KYAT3: variants seen among roughly 807,000 people sequenced by gnomAD.
KYAT3 encodes kynurenine aminotransferase 3, also known as kynurenine--oxoglutarate transaminase 3.
In KYAT3, 50 loss-of-function variants were observed where a neutral mutation model predicts 59.0. The ratio of observed to expected loss-of-function variants is 0.85; its 90% confidence interval spans 0.68 to 1.07. The LOEUF (loss-of-function observed/expected upper bound fraction) is 1.07. KYAT3 is among the 50% of genes least tolerant of loss of function. KYAT3 has a pLI of 0.00. For synonymous variants in KYAT3, 148 were observed against 177.0 expected, an observed-to-expected ratio of 0.84 and a Z score of 1.30; for missense variants, 497 against 533.3, an observed-to-expected ratio of 0.93 and a Z score of 0.67.
chr1:88,945,554 C>T (rs1322223192), intron 11 of KYAT3, among the ~76,000 whole-genome samples: 4 of 152,172 alleles, frequency 2.6e-5, no homozygotes, highest in African/African-American at 2.4e-5. Flanking sequence ...TATAATAGCA[C>T]CAATTTCATA....
At chr1:88,959,567 T>A (rs1290422310) in intron 8 of KYAT3, among the ~76,000 whole-genome samples, 2 of 64,884 alleles carry the variant, frequency 3.1e-5, no homozygotes. Flanking sequence ...AGCAAGACTC[T>A]GTCTCAAAAA....
At position 88,987,762 on chromosome 1, in the gene KYAT3, T is replaced by G. The variant is rs1377935300; in HGVS notation, c.99+490A>C. Among the ~76,000 whole-genome samples, 6 of 152,336 alleles carry G rather than the reference T, an allele frequency of 3.9e-5. No individual in the cohort carries two copies. In the East Asian group the frequency reaches 1.2e-3, roughly 29 times the overall value. On this transcript the variant is annotated intron_variant, in intron 2 of 13. Transcript: ENST00000260508. The stretch of plus-strand genomic sequence containing the variant: ...GCTACTTATATAACTGCAATTTCAT[T>G]ACCACACCTCACCAACAATAATTTC...
At chr1:88,987,760 A>G (rs1200745837) in intron 2 of KYAT3, among the ~76,000 whole-genome samples, 2 of 152,206 alleles carry the variant, frequency 1.3e-5, no homozygotes, top group Non-Finnish European at 1.5e-5. Context: ...CTGCAATTTC[A>G]TTACCACACC....
rs1677134130 is a variant in KYAT3 at position 88,982,351 on chromosome 1, A to C, written c.99+5901T>G. 4.1e-6 allele frequency: 3 copies of C among 733,990 alleles called. No individual in the cohort carries two copies. The Admixed American group carries it at 1.3e-4, about 33-fold the overall frequency. The allele number at this position is 733,990 out of a possible 1,614,324, so 45.5% of individuals were successfully genotyped here. A position where few individuals can be genotyped will look rare whatever the true frequency, so the allele number is the denominator to read the frequency against. ...TTGCTTGCCTCATTTACTGGGAAAAACCAGATAGGAAGTGGTCTTTAGGGA... is the reference window on the plus strand; with the variant it reads ...TTGCTTGCCTCATTTACTGGGAAAACCCAGATAGGAAGTGGTCTTTAGGGA... On this transcript the variant is annotated intron_variant, in intron 2 of 13. Transcript: ENST00000260508.
At position 88,961,393 on chromosome 1, in the gene KYAT3, G is replaced by T. The variant is rs372200870; in HGVS notation, c.654C>A (p.Asn218Lys). 1.2e-6 allele frequency: 2 copies of T among 1,613,902 alleles called. No homozygotes were observed. The highest frequency in any genetic ancestry group is 1.7e-5 in the Admixed American group (1 of 60,016). Residue 218 changes from asparagine to lysine, a missense_variant, in exon 7 of 14, where the codon AAC (asparagine) becomes AAA (lysine). By Grantham distance (94) the Asn-to-Lys change is moderately conservative. Around this residue, in one of 2 missense-constraint regions of KYAT3, gnomAD observed 469 missense variants for 479.1 expected, o/e 0.98. Transcript: ENST00000260508. ...TKAIILNTPH[N>K]PLGKVYNREE... ...GAGACTTGCTTACCTTGCCAAGTGGGTTATGTGGAGTATTTAGTATAATAG... is the reference window on the plus strand; with the variant it reads ...GAGACTTGCTTACCTTGCCAAGTGGTTTATGTGGAGTATTTAGTATAATAG...
chr1:88,947,134 C>T (rs752362590), intron 11 of KYAT3, among the ~76,000 whole-genome samples: 2 of 152,276 alleles, frequency 1.3e-5, no homozygotes, highest in South Asian at 4.1e-4. Flanking sequence ...CTACTTGACT[C>T]GCCCACTGAC....
At chr1:88,945,235 T>G (rs1256281353) in intron 11 of KYAT3, among the ~76,000 whole-genome samples, 2 of 152,210 alleles carry the variant, frequency 1.3e-5, no homozygotes, top group African/African-American at 2.4e-5. Flanking sequence ...GAATTTGGAA[T>G]CTATTTCTTT....
rs562137426 is a variant in KYAT3 at position 88,988,127 on chromosome 1, T to A, written c.99+125A>T. 8 of 620,170 alleles carry A rather than the reference T, an allele frequency of 1.3e-5. No homozygotes were observed. In the South Asian group the frequency reaches 1.8e-4, roughly 14 times the overall value. The allele number at this position is 620,170 out of a possible 1,614,324, so 38.4% of individuals were successfully genotyped here. ...TTCTAGTCAATGACAAGAGACACCT[T>A]CAGCATATGTAATAGAAATGTTCAT... On this transcript the variant is annotated intron_variant, in intron 2 of 13. Coordinates refer to ENST00000260508, the MANE Select transcript of KYAT3 (RefSeq NM_001008661.3).
intron 2 of KYAT3, among the ~76,000 whole-genome samples, chr1:88,973,029 GC>G (rs1676615902): frequency 6.6e-6 from 1 of 152,194 alleles, no homozygotes; most frequent in African/African-American, 2.4e-5. Flanking sequence ...GAGGTCATTA[GC>G]GTGAACCCTA....
rs140488496 is a variant in KYAT3, at chr1:88,990,625, T to A, written c.-2+1960A>T. 4.0e-4 allele frequency among the ~76,000 whole-genome samples: 61 copies of A among 152,326 alleles called. No individual in the cohort carries two copies. The East Asian group carries it at 6.9e-3, about 17-fold the overall frequency. ...TCTCCCACAATCCGCCATTGAATGA[T>A]GGAATTCCAAGACCTAGACCTAGGC... On this transcript the variant is annotated intron_variant, in intron 1 of 13. Transcript: ENST00000260508.
intron 1 of KYAT3, 44 bp from the exon 2 acceptor site, chr1:88,988,395 T>C (rs762409039): frequency 1.6e-5 from 18 of 1,108,374 alleles, no homozygotes; most frequent in East Asian, 1.2e-4. Context: ...AAATATATGA[T>C]GGGTACATCA....
In KYAT3 at chr1:88,988,217, G is replaced by A. The variant is rs778842802; in HGVS notation, c.99+35C>T. On this transcript the variant is annotated intron_variant, in intron 2 of 13. Transcript: ENST00000260508. ...ATATTTTTTGGACAGTGCAGAATAT[G>A]TACAATAATTTATCTGTAAGTAAGC... is the stretch of plus-strand genomic sequence containing the variant. The A allele has an allele frequency of 3.6e-6, 5 of 1,400,916 alleles. No homozygotes were observed. In the South Asian group the frequency reaches 4.8e-5, roughly 13 times the overall value. 86.8% of individuals were successfully genotyped at this position (1,400,916 alleles called of 1,614,324 possible). A position where few individuals can be genotyped will look rare whatever the true frequency, so the allele number is the denominator to read the frequency against.
intron 13 of KYAT3, among the ~76,000 whole-genome samples, chr1:88,942,540 G>T (rs1385444405): frequency 5.3e-5 from 8 of 152,028 alleles, no homozygotes; most frequent in African/African-American, 1.4e-4. Flanking sequence ...CTTTCAAAAA[G>T]TGTTGAATTT....
intron 2 of KYAT3, among the ~76,000 whole-genome samples, chr1:88,985,528 G>A (rs1197919016): frequency 1.3e-5 from 2 of 152,208 alleles, no homozygotes; most frequent in African/African-American, 2.4e-5. Context: ...ATTGTTCAAG[G>A]TTGTTTAATG....
chr1:88,964,882 C>G lies in KYAT3; in HGVS notation c.400G>C (p.Ala134Pro). Reference protein sequence around the residue: ...SNKEILVTVGAYGSLFNTIQA... With the variant: ...SNKEILVTVGPYGSLFNTIQA... ...ATGGTGTTAAAAAGAGATCCATATG[C>G]TCCTACTGTCACAAGGATTTCTTTA... Residue 134 changes from alanine (A) to proline (P), a missense_variant, in exon 5 of 14, where the codon GCA becomes CCA. Physicochemically the swap from Ala to Pro is conservative, Grantham distance 27 (BLOSUM62 -1). Coordinates refer to ENST00000260508, the MANE Select transcript of KYAT3 (RefSeq NM_001008661.3). The G allele has an allele frequency of 6.2e-7, 1 of 1,608,808 alleles. No individual in the cohort carries two copies. Among genetic ancestry groups the G allele is most frequent in the Non-Finnish European group, 8.5e-7 (1 of 1,177,960 alleles).
intron 2 of KYAT3, among the ~76,000 whole-genome samples, chr1:88,987,344 C>T (rs1323329380): frequency 6.6e-6 from 1 of 151,856 alleles, no homozygotes; most frequent in Non-Finnish European, 1.5e-5. Context: ...GTCACGGTGG[C>T]ATAAAGAGGA....
intron 8 of KYAT3, among the ~76,000 whole-genome samples, chr1:88,957,185 TA>T (rs1352342080): frequency 6.6e-6 from 1 of 152,244 alleles, no homozygotes; most frequent in Non-Finnish European, 1.5e-5. Flanking sequence ...GTTATAATTT[TA>T]TTCTCTGTGG....
rs1056648453 is a variant in KYAT3 at position 88,964,993 on chromosome 1, A to G, written c.304-15T>C. On this transcript the variant is annotated splice_polypyrimidine_tract_variant and intron_variant, in intron 4 of 13. Transcript: ENST00000260508. Reference sequence around the variant, plus strand: ...GATGGATGGCCCTGTTGGATTAAAAATAAGAACAAAACCTTGAATTTAAAT... The same window carrying G: ...GATGGATGGCCCTGTTGGATTAAAAGTAAGAACAAAACCTTGAATTTAAAT... 1 of 1,587,242 alleles carries G rather than the reference A, an allele frequency of 6.3e-7. No homozygotes were observed.
At chr1:88,951,970 G>A (rs1197885265) in intron 10 of KYAT3, among the ~76,000 whole-genome samples, 1 of 152,152 alleles carries the variant, frequency 6.6e-6, no homozygotes, top group Non-Finnish European at 1.5e-5. Context: ...AGGGAGGCAG[G>A]AGGGTTGAAG....
Sources: gnomAD v4.1 joint callset for allele counts (sites outside exome capture counted in the v4.1 genomes callset) on GRCh38, gnomAD v4.1.1 for gene constraint, gnomAD v4.1.1 regional missense constraint, MANE v1.5 for transcripts, NCBI Gene and HGNC (gene_info 2026-07-23, HGNC 2026-07-21) for gene names.